The following PLCG2 variants were observed in gnomAD, a reference collection of about 807,000 sequenced individuals.
PLCG2 encodes phospholipase C gamma 2.
PLCG2 carries 69 observed loss-of-function variants against 175.6 expected under a neutral mutation model. That is an observed-to-expected ratio of 0.39 (90% CI 0.32 to 0.48). The LOEUF is 0.48. Among genes scored for constraint, PLCG2 ranks in the 20% least tolerant of loss-of-function variants. The pLI is 0.91. For missense variants in PLCG2, 1,798 were observed against 1,650.9 expected, an observed-to-expected ratio of 1.09 and a Z score of -1.54; for synonymous variants, 827 against 624.0, an observed-to-expected ratio of 1.33 and a Z score of -4.85.
chr16:81,893,859 C>T (rs1302628022), intron 12 of PLCG2, 65 bp downstream of exon 12: 1 of 1,004,598 alleles, frequency 1.0e-6, no homozygotes, highest in Non-Finnish European at 1.6e-6. Flanking sequence ...TGTGGTTGCT[C>T]CATGTTTTCT....
intron 1 of PLCG2, among the ~76,000 whole-genome samples, chr16:81,780,896 G>GGCC (rs938983692): frequency 1.3e-5 from 2 of 152,032 alleles, no homozygotes; most frequent in Non-Finnish European, 2.9e-5. Context: ...GCGTGGTGGT[G>GGCC]GCCGCCTGTA....
At chr16:81,811,260 CGTGTGTGGGT>C (rs1013026032) in intron 2 of PLCG2, among the ~76,000 whole-genome samples, 1 of 152,126 alleles carries the variant, frequency 6.6e-6, no homozygotes, top group Non-Finnish European at 1.5e-5. Flanking sequence ...GTACCTTCCT[CGTGTGTGGGT>C]GTAAAGACTA....
At chr16:81,799,276 C>T (rs1244193048) in intron 2 of PLCG2, among the ~76,000 whole-genome samples, 1 of 152,188 alleles carries the variant, frequency 6.6e-6, no homozygotes, top group Non-Finnish European at 1.5e-5. Context: ...GGTGTACCAC[C>T]TTCCAAATCT....
chr16:81,861,687 G>A (rs1906989270), intron 5 of PLCG2, among the ~76,000 whole-genome samples: 1 of 152,166 alleles, frequency 6.6e-6, no homozygotes, highest in Non-Finnish European at 1.5e-5. Context: ...TTCTTTCTCT[G>A]TGGCTTATGA....
intron 10 of PLCG2, 192 bp downstream of exon 10, chr16:81,889,465 G>A (rs1908530625): frequency 1.9e-6 from 1 of 515,740 alleles, no homozygotes; most frequent in Non-Finnish European, 3.5e-6. Context: ...TACTGTAACT[G>A]TAACTGCCCA....
chr16:81,960,328 A>G lies in PLCG2; in HGVS notation c.*2330A>G, dbSNP rs1911736269. The G allele has an allele frequency of 4.5e-6, 1 of 219,898 alleles. No individual in the cohort carries two copies. 13.6% of individuals were successfully genotyped at this position (219,898 alleles called of 1,614,324 possible). On this transcript the variant is annotated 3_prime_UTR_variant, in exon 33 of 33. Transcript: ENST00000564138. ...AGACATGCTTCCTACATGACTGTTAAAGCACAGCCAATCCAGGCCAAGAAG... is the reference window on the plus strand; with the variant it reads ...AGACATGCTTCCTACATGACTGTTAGAGCACAGCCAATCCAGGCCAAGAAG...
rs117133150 is a variant in PLCG2, at chr16:81,834,454, A to C, written c.194-19990A>C. On this transcript the variant is annotated intron_variant, in intron 2 of 32. Transcript: ENST00000564138. ...GCAGGACTCAGACCCCAGCTTGCCC[A>C]ACCTGCCTGAGCCTCAGTTTCCCCT... Among the ~76,000 whole-genome samples the C allele has an allele frequency of 5.4e-3, 824 of 152,264 alleles. 21 individuals are homozygous for C. The East Asian group carries it at 0.054, about 10-fold the overall frequency.
chr16:81,936,434 C>A, intron 27 of PLCG2, 56 bp downstream of exon 27: 1 of 1,404,856 alleles, frequency 7.1e-7, no homozygotes, highest in Non-Finnish European at 1.0e-6. Flanking sequence ...GCAGTCACTC[C>A]AGGCCGAGTC....
At position 81,959,877 on chromosome 16, in the gene PLCG2, C is replaced by G. The variant is rs1911718146; in HGVS notation, c.*1879C>G. The G allele has an allele frequency of 1.1e-5, 2 of 188,564 alleles. No individual in the cohort carries two copies. The highest frequency in any genetic ancestry group is 1.9e-4 in the South Asian group (1 of 5,132). 11.7% of individuals were successfully genotyped at this position (188,564 alleles called of 1,614,324 possible). A position where few individuals can be genotyped will look rare whatever the true frequency, so the allele number is the denominator to read the frequency against. Reference sequence around the variant, plus strand: ...AGGTGTTGCTGTCATTACCTCCTTTCAGCTCCTCACTTCATTCTACTTTAA... The same window carrying G: ...AGGTGTTGCTGTCATTACCTCCTTTGAGCTCCTCACTTCATTCTACTTTAA... On this transcript the variant is annotated 3_prime_UTR_variant, in exon 33 of 33. Coordinates refer to ENST00000564138, the MANE Select transcript of PLCG2 (RefSeq NM_002661.5).
At chr16:81,819,021 T>G (rs983210225) in intron 2 of PLCG2, among the ~76,000 whole-genome samples, 2 of 151,368 alleles carry the variant, frequency 1.3e-5, no homozygotes, top group African/African-American at 2.4e-5. Flanking sequence ...ATGAGGCAGG[T>G]GTAACTCCTT....
intron 16 of PLCG2, among the ~76,000 whole-genome samples, chr16:81,908,174 CCG>C (rs1909460084): frequency 6.6e-6 from 1 of 152,164 alleles, no homozygotes. Flanking sequence ...TTGCTGGGAA[CCG>C]TTCACTGCAT....
At chr16:81,804,957 G>C (rs974242485) in intron 2 of PLCG2, among the ~76,000 whole-genome samples, 5 of 152,196 alleles carry the variant, frequency 3.3e-5, no homozygotes, top group African/African-American at 1.2e-4. Context: ...GTATTTATTT[G>C]TAGTGTCTAG....
At chr16:81,946,055 T>C in intron 30 of PLCG2, 120 bp from the exon 31 acceptor site, 1 of 748,768 alleles carries the variant, frequency 1.3e-6, no homozygotes, top group South Asian at 1.6e-5. Flanking sequence ...GCCCCCAGCA[T>C]GGGGCACTGA....
intron 5 of PLCG2, among the ~76,000 whole-genome samples, chr16:81,859,574 G>A (rs977982162): frequency 4.3e-4 from 65 of 151,010 alleles, no homozygotes; most frequent in African/African-American, 6.1e-4. Flanking sequence ...TCGCTCTTTC[G>A]CCCAGGCTGG....
At chr16:81,769,466 GC>G (rs1219819552) in intron 2 of PLCG2, among the ~76,000 whole-genome samples, 5 of 152,084 alleles carry the variant, frequency 3.3e-5, no homozygotes, top group East Asian at 1.9e-4. Flanking sequence ...CTTTTCTAAG[GC>G]CCCCCAGGAG....
chr16:81,801,743 C>T (rs1911728802), intron 2 of PLCG2, among the ~76,000 whole-genome samples: 1 of 151,924 alleles, frequency 6.6e-6, no homozygotes, highest in Non-Finnish European at 1.5e-5. Context: ...TGCAGTGGCA[C>T]AATCTCAGCT....
intron 20 of PLCG2, 23 bp downstream of exon 20, chr16:81,919,687 A>T (rs779396365): frequency 1.1e-5 from 18 of 1,593,172 alleles, no homozygotes; most frequent in Non-Finnish European, 1.5e-5. Context: ...CTCCCTTGTG[A>T]TTTGGTGGGA....
chr16:81,843,099 A>T (rs1237351044), intron 2 of PLCG2, among the ~76,000 whole-genome samples: 1 of 152,086 alleles, frequency 6.6e-6, no homozygotes, highest in Non-Finnish European at 1.5e-5. Flanking sequence ...CACTTTCTTC[A>T]AGCAGGAAAC....
At chr16:81,840,995 A>G (rs544061628) in intron 2 of PLCG2, among the ~76,000 whole-genome samples, 46 of 152,188 alleles carry the variant, frequency 3.0e-4, no homozygotes, top group Middle Eastern at 6.8e-3. Context: ...ACTCTTATCT[A>G]TTGAATAGTT....
Sources: gnomAD v4.1 joint callset for allele counts (sites outside exome capture counted in the v4.1 genomes callset) on GRCh38, gnomAD v4.1.1 for gene constraint, MANE v1.5 for transcripts, NCBI Gene and HGNC (gene_info 2026-07-23, HGNC 2026-07-21) for gene names.